Variants in BTG3 observed in about 807,000 individuals in gnomAD.
The protein encoded by BTG3 is BTG anti-proliferation factor 3, also known as protein BTG3.
A neutral mutation model predicts 25.8 loss-of-function variants in BTG3; 4 were observed. That is an observed-to-expected ratio of 0.16 (90% CI 0.08 to 0.36). The LOEUF (loss-of-function observed/expected upper bound fraction) is 0.36. Ranked by LOEUF, BTG3 falls within the 10% of genes least tolerant of loss-of-function variation. The probability of loss-of-function intolerance (pLI) is 1.00; values close to 1 mark genes in which losing one functional copy is unlikely to be tolerated. For synonymous variants in BTG3, 107 were observed against 99.9 expected (o/e 1.07, Z -0.42); for missense variants, 201 against 304.9 (o/e 0.66, Z 2.54).
chr21:17,606,440 G>A (rs2061643906), intron 2 of BTG3, among the ~76,000 whole-genome samples: 1 of 152,096 alleles, frequency 6.6e-6, no homozygotes, highest in Admixed American at 6.5e-5. Context: ...ATACTGCTTA[G>A]TCCTTTTAAA....
intron 3 of BTG3, among the ~76,000 whole-genome samples, chr21:17,603,080 T>A (rs2061594356): frequency 6.6e-6 from 1 of 152,232 alleles, no homozygotes; most frequent in Admixed American, 6.5e-5. Context: ...TCACATTTCA[T>A]GGGTTAAGAA....
At chr21:17,608,398 C>G (rs1569189380) in intron 2 of BTG3, among the ~76,000 whole-genome samples, 2 of 151,342 alleles carry the variant, frequency 1.3e-5, no homozygotes, top group Non-Finnish European at 2.9e-5. Context: ...CCCAGAAAAG[C>G]AAATCCCAGA....
chr21:17,597,765 A>C (rs542031482), intron 4 of BTG3, among the ~76,000 whole-genome samples: 1 of 152,268 alleles, frequency 6.6e-6, no homozygotes, highest in South Asian at 2.1e-4. Flanking sequence ...GTTACACTGA[A>C]ATAATGTTCA....
intron 3 of BTG3, among the ~76,000 whole-genome samples, chr21:17,602,855 A>C (rs2061591471): frequency 6.6e-6 from 1 of 152,262 alleles, no homozygotes; most frequent in Non-Finnish European, 1.5e-5. Flanking sequence ...ACATAGGTCC[A>C]AAATGTTTAT....
At chr21:17,605,092 A>G in intron 2 of BTG3, 95 bp from the exon 3 acceptor site, 1 of 1,364,554 alleles carries the variant, frequency 7.3e-7, no homozygotes, top group Non-Finnish European at 9.9e-7. Flanking sequence ...GTAATAAAAT[A>G]GTAATAAAAA....
intron 2 of BTG3, among the ~76,000 whole-genome samples, chr21:17,606,844 C>T (rs1439822447): frequency 6.6e-6 from 1 of 152,062 alleles, no homozygotes; most frequent in Non-Finnish European, 1.5e-5. Flanking sequence ...CATACATGTT[C>T]GTCTGCATTT....
chr21:17,609,280 CT>C, intron 1 of BTG3, 128 bp from the exon 2 acceptor site: 1 of 901,006 alleles, frequency 1.1e-6, no homozygotes, highest in Non-Finnish European at 1.6e-6. Context: ...ATTTCTTTGG[CT>C]TATATCTGAA....
intron 3 of BTG3, among the ~76,000 whole-genome samples, chr21:17,602,758 A>G (rs1213664749): frequency 1.3e-5 from 2 of 152,230 alleles, no homozygotes; most frequent in African/African-American, 4.8e-5. Flanking sequence ...GGCATCATCA[A>G]GTAATGAAAT....
At chr21:17,612,146 G>C (rs1482457871) in intron 1 of BTG3, 1 of 152,336 alleles carries the variant, frequency 6.6e-6, no homozygotes, top group Non-Finnish European at 1.5e-5. Flanking sequence ...CTTGAGCTGC[G>C]CCCAACTTCT....
At chr21:17,595,940 C>T (rs1023540235) in intron 4 of BTG3, among the ~76,000 whole-genome samples, 4 of 151,990 alleles carry the variant, frequency 2.6e-5, no homozygotes, top group African/African-American at 9.7e-5. Flanking sequence ...GCTAACATTT[C>T]ATGCTGTCAG....
At chr21:17,598,275 G>A (rs2061529504) in intron 4 of BTG3, among the ~76,000 whole-genome samples, 1 of 151,944 alleles carries the variant, frequency 6.6e-6, no homozygotes, top group Admixed American at 6.6e-5. Flanking sequence ...TAAACCCAAA[G>A]GTACAAAACA....
intron 4 of BTG3, among the ~76,000 whole-genome samples, chr21:17,595,527 A>C (rs1394697635): frequency 6.6e-6 from 1 of 151,986 alleles, no homozygotes; most frequent in Non-Finnish European, 1.5e-5. Flanking sequence ...TGTATACTGG[A>C]TTGTATCCTG....
At chr21:17,608,796 TC>T (rs2061680753) in intron 2 of BTG3, 175 bp downstream of exon 2, 6 of 583,802 alleles carry the variant, frequency 1.0e-5, no homozygotes, top group Non-Finnish European at 1.6e-5. Flanking sequence ...ACTCCACCAC[TC>T]CGCCAACAAA....
rs2061475117 is a variant in BTG3, at chr21:17,594,317, A to T, written c.535T>A (p.Phe179Ile). ...SPVYQISELI[F>I]PPLPMWHPLP... ...GGGTGCCACATTGGAAGAGGTGGAA[A>T]TATAAGTTCTGAAATCTGTAGGGAA... Residue 179 changes from phenylalanine (F) to isoleucine (I), a missense_variant, in exon 5 of 5, where the codon TTT becomes ATT. Transcript: ENST00000348354. 7.4e-6 allele frequency: 12 copies of T among 1,612,794 alleles called. No homozygotes were observed. The highest frequency in any genetic ancestry group is 1.0e-5 in the Non-Finnish European group (12 of 1,179,206).
intron 3 of BTG3, among the ~76,000 whole-genome samples, chr21:17,601,978 CTACTAT>C (rs2061579898): frequency 6.6e-6 from 1 of 152,160 alleles, no homozygotes; most frequent in African/African-American, 2.4e-5. Context: ...GCTGACTATA[CTACTAT>C]AACATTACAA....
rs1024724656 is a variant in BTG3, at chr21:17,604,771, A to G, written c.311+89T>C. 1.0e-5 allele frequency: 15 copies of G among 1,438,048 alleles called. No homozygotes were observed. In the Admixed American group the frequency reaches 1.2e-4, roughly 12 times the overall value. 89.1% of individuals were successfully genotyped at this position (1,438,048 alleles called of 1,614,324 possible). On this transcript the variant is annotated intron_variant, in intron 3 of 4. Coordinates refer to ENST00000348354, the MANE Select transcript of BTG3 (RefSeq NM_006806.5). ...GTTAAACCACCAGCTCCTGGCCATA[A>G]AGATACACAGGCAGGCCGTACATGA... is the stretch of plus-strand genomic sequence containing the variant.
chr21:17,596,639 A>G (rs2061507623), intron 4 of BTG3, among the ~76,000 whole-genome samples: 1 of 152,070 alleles, frequency 6.6e-6, no homozygotes. Context: ...ATCCTGTGCC[A>G]TCAATATATT....
intron 4 of BTG3, among the ~76,000 whole-genome samples, chr21:17,597,659 A>C (rs1039312648): frequency 5.3e-5 from 8 of 152,134 alleles, no homozygotes; most frequent in African/African-American, 1.4e-4. Flanking sequence ...ACATATACAT[A>C]GAATCCTAAA....
rs1175322793 is a variant in BTG3, at chr21:17,612,787, C to G, written c.-97G>C. 1 of 152,312 alleles carries G rather than the reference C, an allele frequency of 6.6e-6. No individual in the cohort carries two copies. Among genetic ancestry groups the G allele is most frequent in the East Asian group, 1.9e-4 (1 of 5,158 alleles). The allele number at this position is 152,312 out of a possible 1,614,324, so 9.4% of individuals were successfully genotyped here. ...ACTGAGGGCTCCGCCTCAACGGGCC[C>G]GCGCTGGGCAACAGGGAGCGCAGCG... On this transcript the variant is annotated 5_prime_UTR_variant, in exon 1 of 5. Transcript: ENST00000348354.
Sources: allele counts gnomAD v4.1 joint callset (sites outside exome capture counted in the v4.1 genomes callset), GRCh38; gene constraint gnomAD v4.1.1; transcripts MANE v1.5; gene names NCBI Gene and HGNC (gene_info 2026-07-23, HGNC 2026-07-21).